The following LRRC63 variants were observed in gnomAD, a reference collection of about 807,000 sequenced individuals.
LRRC63 encodes the protein leucine-rich repeat-containing protein 63.
Under a neutral mutation model 49.5 loss-of-function variants are expected in LRRC63, and 40 were observed. The ratio of observed to expected loss-of-function variants is 0.81; its 90% CI spans 0.63 to 1.05. The LOEUF is 1.05. Ranked by LOEUF, LRRC63 falls within the 50% of genes least tolerant of loss-of-function variation. The probability of loss-of-function intolerance (pLI) is 0.00; values close to 1 mark genes in which losing one functional copy is unlikely to be tolerated. For synonymous variants in LRRC63, 191 were observed against 221.1 expected (o/e 0.86, Z 1.21); for missense variants, 636 against 663.1 (o/e 0.96, Z 0.45).
intron 9 of LRRC63, among the ~76,000 whole-genome samples, chr13:46,272,689 G>A (rs1306651259): frequency 6.6e-6 from 1 of 152,156 alleles, no homozygotes; most frequent in African/African-American, 2.4e-5. Flanking sequence ...GCCTAAATCT[G>A]CCTCAGTCAG....
chr13:46,249,875 A>T (rs1000641869), intron 6 of LRRC63: 2 of 152,034 alleles, frequency 1.3e-5, no homozygotes, highest in Non-Finnish European at 2.9e-5. Flanking sequence ...GAGGAAGATA[A>T]TAGATTTAAA....
chr13:46,263,175 T>G (rs946023518), intron 8 of LRRC63, among the ~76,000 whole-genome samples: 2 of 64,602 alleles, frequency 3.1e-5, no homozygotes, highest in African/African-American at 1.4e-4. Context: ...TTTTTGAATT[T>G]ATTTTATTTT....
At chr13:46,229,412 A>G (rs2046678412) in intron 4 of LRRC63, among the ~76,000 whole-genome samples, 1 of 152,192 alleles carries the variant, frequency 6.6e-6, no homozygotes, top group Non-Finnish European at 1.5e-5. Flanking sequence ...GACAGTAACC[A>G]ATGTGGACAT....
At chr13:46,232,584 A>C (rs948772350) in intron 4 of LRRC63, among the ~76,000 whole-genome samples, 6 of 152,204 alleles carry the variant, frequency 3.9e-5, no homozygotes, top group Non-Finnish European at 7.3e-5. Flanking sequence ...CAAAGCTCAA[A>C]CCAATCCTTG....
exon 3 of LRRC63, chr13:46,227,597 T>C: frequency 6.5e-7 from 1 of 1,550,004 alleles, no homozygotes; most frequent in South Asian, 1.2e-5. Flanking sequence ...CTCGTTTTCC[T>C]GATGTTTTAA....
At chr13:46,251,690 T>G (rs2047386662) in intron 7 of LRRC63, among the ~76,000 whole-genome samples, 1 of 151,884 alleles carries the variant, frequency 6.6e-6, no homozygotes, top group African/African-American at 2.4e-5. Context: ...ATTGTTTATA[T>G]AGATACAAAC....
intron 5 of LRRC63, among the ~76,000 whole-genome samples, chr13:46,245,819 A>G (rs1162670748): frequency 6.6e-6 from 1 of 152,220 alleles, no homozygotes; most frequent in Non-Finnish European, 1.5e-5. Context: ...AATATAAAAT[A>G]GATTCAATTA....
intron 6 of LRRC63, among the ~76,000 whole-genome samples, chr13:46,248,170 A>G (rs1419478331): frequency 2.6e-5 from 4 of 152,056 alleles, no homozygotes; most frequent in Non-Finnish European, 5.9e-5. Context: ...GTTACACTAG[A>G]ACATATTCAC....
chr13:46,236,055 A>T (rs1246766377), intron 5 of LRRC63, among the ~76,000 whole-genome samples: 1 of 152,118 alleles, frequency 6.6e-6, no homozygotes, highest in East Asian at 1.9e-4. Flanking sequence ...TACTAGAAAT[A>T]TTGATTAGGC....
At chr13:46,243,088 T>G (rs1225125809) in intron 5 of LRRC63, among the ~76,000 whole-genome samples, 2 of 152,144 alleles carry the variant, frequency 1.3e-5, no homozygotes, top group Non-Finnish European at 2.9e-5. Context: ...AAGACAAAAC[T>G]ATTAAAAACA....
exon 10 of LRRC63, chr13:46,276,788 G>T: frequency 8.6e-7 from 1 of 1,156,888 alleles, no homozygotes; most frequent in African/African-American, 1.6e-5. Context: ...ATGTGGAGTT[G>T]TCAAAAGAAT....
intron 9 of LRRC63, 132 bp from the exon 10 acceptor site, chr13:46,276,458 T>C (rs2047838572): frequency 2.5e-6 from 1 of 404,078 alleles, no homozygotes; most frequent in Non-Finnish European, 4.3e-6. Context: ...TTTCACTTAA[T>C]GGGTAGCACT....
chr13:46,227,331 C>T (rs970022139), intron 2 of LRRC63, among the ~76,000 whole-genome samples, 181 bp from the exon 3 acceptor site: 1 of 152,156 alleles, frequency 6.6e-6, no homozygotes, highest in African/African-American at 2.4e-5. Context: ...TCTCCGGTTG[C>T]TCACTCAAAC....
intron 2 of LRRC63, among the ~76,000 whole-genome samples, chr13:46,215,334 G>C (rs944216518): frequency 2.6e-5 from 4 of 152,136 alleles, no homozygotes; most frequent in African/African-American, 9.6e-5. Flanking sequence ...ATGTCATTGT[G>C]GTTTTGATTT....
At chr13:46,265,236 C>G (rs563013724) in intron 8 of LRRC63, among the ~76,000 whole-genome samples, 1 of 152,098 alleles carries the variant, frequency 6.6e-6, no homozygotes, top group South Asian at 2.1e-4. Context: ...CAGGTGTGTC[C>G]TCCGAGGTAA....
At chr13:46,257,121 T>C (rs555109872) in intron 7 of LRRC63, among the ~76,000 whole-genome samples, 1 of 152,270 alleles carries the variant, frequency 6.6e-6, no homozygotes, top group African/African-American at 2.4e-5. Flanking sequence ...TGACTTGCTT[T>C]TGTTGGTTTT....
At chr13:46,241,338 A>G (rs951417742) in intron 5 of LRRC63, among the ~76,000 whole-genome samples, 1 of 151,640 alleles carries the variant, frequency 6.6e-6, no homozygotes, top group South Asian at 2.1e-4. Context: ...TATATTAAAG[A>G]CTTTAATGTA....
At chr13:46,266,358 G>C (rs569878634) in intron 8 of LRRC63, among the ~76,000 whole-genome samples, 1 of 152,308 alleles carries the variant, frequency 6.6e-6, no homozygotes, top group Admixed American at 6.5e-5. Flanking sequence ...GATTGGGCTT[G>C]AATATGTGTT....
At chr13:46,272,734 A>G (rs2047777158) in intron 9 of LRRC63, among the ~76,000 whole-genome samples, 1 of 152,260 alleles carries the variant, frequency 6.6e-6, no homozygotes, top group Non-Finnish European at 1.5e-5. Flanking sequence ...TATTCATACT[A>G]TAAAACATTA....
Sources: allele counts gnomAD v4.1 joint callset (sites outside exome capture counted in the v4.1 genomes callset), GRCh38; gene constraint gnomAD v4.1.1; transcripts MANE v1.5; gene names NCBI Gene and HGNC (gene_info 2026-07-23, HGNC 2026-07-21).